Variants in GOLIM4 observed in about 807,000 individuals in gnomAD.
GOLIM4 encodes the protein golgi integral membrane protein 4.
In GOLIM4, 71 loss-of-function variants were observed where a neutral mutation model predicts 107.4. The observed-to-expected ratio is 0.66, with a 90% CI of 0.55 to 0.81. The LOEUF (loss-of-function observed/expected upper bound fraction) is 0.81, where lower values mean the gene tolerates loss of function less well. Among genes scored for constraint, GOLIM4 ranks in the 30% least tolerant of loss-of-function variants. The pLI, the probability that GOLIM4 is intolerant of heterozygous loss-of-function variation, is 0.00. For missense variants in GOLIM4, 830 were observed against 826.1 expected, an observed-to-expected ratio of 1.00 and a Z score of -0.06; for synonymous variants, 327 against 294.8, an observed-to-expected ratio of 1.11 and a Z score of -1.12.
intron 1 of GOLIM4, among the ~76,000 whole-genome samples, chr3:168,092,018 A>G (rs1299482387): frequency 6.6e-6 from 1 of 152,206 alleles, no homozygotes; most frequent in African/African-American, 2.4e-5. Flanking sequence ...GGAGCTTTAA[A>G]GACTTTTGAA....
At chr3:168,022,865 G>T (rs992968784) in intron 14 of GOLIM4, among the ~76,000 whole-genome samples, 1 of 152,178 alleles carries the variant, frequency 6.6e-6, no homozygotes, top group Non-Finnish European at 1.5e-5. Context: ...TGCAGCAAGA[G>T]GAAGAGTCCT....
rs187552319 is a variant in GOLIM4, at chr3:168,068,208, G to A, written c.188-19843C>T. ...TTTCACAAGATTTCAACAAAACATA[G>A]ATTAGTAAGTAATCTATGTAAGATA... is the stretch of plus-strand genomic sequence containing the variant. On this transcript the variant is annotated intron_variant, in intron 1 of 15. Coordinates refer to ENST00000470487, the MANE Select transcript of GOLIM4 (RefSeq NM_014498.5). Among the ~76,000 whole-genome samples, 8 of 151,966 alleles carry A rather than the reference G, an allele frequency of 5.3e-5. No homozygotes were observed. The East Asian group carries it at 1.4e-3, about 26-fold the overall frequency.
At chr3:168,082,558 A>G (rs147197413) in intron 1 of GOLIM4, among the ~76,000 whole-genome samples, 2 of 152,332 alleles carry the variant, frequency 1.3e-5, no homozygotes, top group East Asian at 3.9e-4. Flanking sequence ...GCTCGAACTC[A>G]GTGCAAAAGA....
chr3:168,018,098 A>G lies in GOLIM4; in HGVS notation c.1860+6428T>C, dbSNP rs145152248. Among the ~76,000 whole-genome samples, 5 of 152,344 alleles carry G rather than the reference A, an allele frequency of 3.3e-5. No individual in the cohort carries two copies. In the East Asian group the frequency reaches 9.6e-4, roughly 29 times the overall value. On this transcript the variant is annotated intron_variant, in intron 14 of 15. Coordinates refer to ENST00000470487, the MANE Select transcript of GOLIM4 (RefSeq NM_014498.5). ...ATGCATTTCAAAAAAACTGCTGAAC[A>G]TCGGTTAAGTATAATGCAGTCTCCT...
chr3:168,055,323 G>C (rs776115599), intron 1 of GOLIM4, among the ~76,000 whole-genome samples: 2 of 152,146 alleles, frequency 1.3e-5, no homozygotes, highest in Non-Finnish European at 2.9e-5. Context: ...AATCCAGTCT[G>C]AGCTGGTCTC....
intron 12 of GOLIM4, among the ~76,000 whole-genome samples, chr3:168,027,326 A>G (rs915847218): frequency 5.3e-5 from 8 of 152,152 alleles, no homozygotes; most frequent in African/African-American, 1.9e-4. Context: ...ACTGCTCAAC[A>G]TGCTCAGGAA....
chr3:168,090,184 C>CA (rs1721837250), intron 1 of GOLIM4, among the ~76,000 whole-genome samples: 1 of 151,786 alleles, frequency 6.6e-6, no homozygotes, highest in Admixed American at 6.6e-5. Flanking sequence ...GAGCCCAATG[C>CA]AAAAAACACT....
chr3:168,073,174 C>T (rs1005527411), intron 1 of GOLIM4, among the ~76,000 whole-genome samples: 2 of 152,326 alleles, frequency 1.3e-5, no homozygotes, highest in African/African-American at 4.8e-5. Flanking sequence ...TTTCACACTT[C>T]CCCAGCCTTG....
chr3:168,036,469 G>A (rs1257664819), intron 8 of GOLIM4, among the ~76,000 whole-genome samples: 1 of 152,216 alleles, frequency 6.6e-6, no homozygotes, highest in Non-Finnish European at 1.5e-5. Flanking sequence ...TTGAACCCGG[G>A]AAGCGGAGGT....
chr3:168,062,738 C>G (rs11714187), intron 1 of GOLIM4, among the ~76,000 whole-genome samples: 1 of 151,972 alleles, frequency 6.6e-6, no homozygotes, highest in Non-Finnish European at 1.5e-5. Context: ...TTCAGGCACA[C>G]GTGGTAATCA....
chr3:168,045,311 A>C (rs1243462692), intron 3 of GOLIM4, among the ~76,000 whole-genome samples: 1 of 152,174 alleles, frequency 6.6e-6, no homozygotes, highest in Non-Finnish European at 1.5e-5. Flanking sequence ...GCATGGCTTA[A>C]AGGGGGAAGA....
intron 1 of GOLIM4, among the ~76,000 whole-genome samples, chr3:168,094,372 T>A (rs2108301053): frequency 6.6e-6 from 1 of 152,350 alleles, no homozygotes; most frequent in East Asian, 1.9e-4. Context: ...CGAAGCTAAC[T>A]GTAACATACA....
At chr3:168,013,622 T>C (rs1197060521) in intron 14 of GOLIM4, among the ~76,000 whole-genome samples, 2 of 148,772 alleles carry the variant, frequency 1.3e-5, no homozygotes, top group African/African-American at 2.6e-5. Flanking sequence ...TATTCCAAAA[T>C]TGACCACATA....
intron 1 of GOLIM4, among the ~76,000 whole-genome samples, chr3:168,067,525 AAC>A (rs35330464): frequency 8.0e-4 from 121 of 150,472 alleles, no homozygotes; most frequent in Non-Finnish European, 1.4e-3. Flanking sequence ...AAAAAAAAAA[AAC>A]ACACACACAC....
At chr3:168,090,771 A>G (rs1721865420) in intron 1 of GOLIM4, among the ~76,000 whole-genome samples, 1 of 152,224 alleles carries the variant, frequency 6.6e-6, no homozygotes, top group South Asian at 2.1e-4. Context: ...AATCAACCTA[A>G]GCGTCCATCA....
At chr3:168,014,848 A>C (rs371809578) in intron 14 of GOLIM4, among the ~76,000 whole-genome samples, 2 of 149,874 alleles carry the variant, frequency 1.3e-5, no homozygotes, top group Admixed American at 1.3e-4. Context: ...AACCCTTCAT[A>C]CTAAAAACTC....
chr3:168,047,126 G>A (rs1367449361), intron 2 of GOLIM4, 127 bp from the exon 3 acceptor site: 13 of 504,286 alleles, frequency 2.6e-5, no homozygotes, highest in Non-Finnish European at 4.6e-5. Context: ...TCTACTTGGT[G>A]ATTTACATAC....
At chr3:168,057,328 G>C (rs1452233953) in intron 1 of GOLIM4, among the ~76,000 whole-genome samples, 1 of 152,090 alleles carries the variant, frequency 6.6e-6, no homozygotes, top group Non-Finnish European at 1.5e-5. Context: ...AATACACCCT[G>C]GTACACTGAA....
intron 5 of GOLIM4, among the ~76,000 whole-genome samples, chr3:168,042,283 G>C (rs1163459150): frequency 6.6e-6 from 1 of 151,924 alleles, no homozygotes; most frequent in Admixed American, 6.6e-5. Flanking sequence ...ACCCAGGCTG[G>C]AGTGCAGTGC....
Sources: gnomAD v4.1 joint callset for allele counts (sites outside exome capture counted in the v4.1 genomes callset) on GRCh38, gnomAD v4.1.1 for gene constraint, MANE v1.5 for transcripts, NCBI Gene and HGNC (gene_info 2026-07-23, HGNC 2026-07-21) for gene names.